The following PYROXD1 variants were observed in gnomAD, a reference collection of about 807,000 sequenced individuals.
The protein encoded by PYROXD1 is pyridine nucleotide-disulphide oxidoreductase domain 1.
In PYROXD1, 42 loss-of-function variants were observed where a neutral mutation model predicts 62.0. The observed-to-expected ratio is 0.68, with a 90% CI of 0.53 to 0.88. The LOEUF (loss-of-function observed/expected upper bound fraction) is 0.88, where lower values mean the gene tolerates loss of function less well. Among genes scored for constraint, PYROXD1 ranks in the 40% least tolerant of loss-of-function variants. The pLI, the probability that PYROXD1 is intolerant of heterozygous loss-of-function variation, is 0.00. For missense variants in PYROXD1, 493 were observed against 604.8 expected, an observed-to-expected ratio of 0.82 and a Z score of 1.94; for synonymous variants, 170 against 206.4, an observed-to-expected ratio of 0.82 and a Z score of 1.51.
Position 21,470,093 on chromosome 12 carries a change from AAT to A in PYROXD1, c.*1342_*1343del, listed in dbSNP as rs1942896945. 9.3e-7 allele frequency: 1 copy of A among 1,071,054 alleles called. No individual in the cohort carries two copies. Among genetic ancestry groups the A allele is most frequent in the African/African-American group, 1.6e-5 (1 of 62,098 alleles). 66.3% of individuals were successfully genotyped at this position (1,071,054 alleles called of 1,614,324 possible). ...TGAAAATATAGATCCATACATATAA[AAT>A]ATCTATGAAATTCTTTTAAAAACTA... On this transcript the variant is annotated 3_prime_UTR_variant, in exon 12 of 12. Coordinates refer to ENST00000240651, the MANE Select transcript of PYROXD1 (RefSeq NM_024854.5).
At chr12:21,452,558 ATT>A (rs962347087) in intron 5 of PYROXD1, among the ~76,000 whole-genome samples, 5 of 152,046 alleles carry the variant, frequency 3.3e-5, no homozygotes, top group African/African-American at 1.2e-4. Context: ...TGCTACACTC[ATT>A]TATGTTACCT....
intron 3 of PYROXD1, among the ~76,000 whole-genome samples, chr12:21,446,737 C>T (rs1427259987): frequency 6.6e-6 from 1 of 151,962 alleles, no homozygotes; most frequent in African/African-American, 2.4e-5. Context: ...CATAGCAAAA[C>T]CCCATATCTA....
At chr12:21,457,395 A>G (rs1249182754) in intron 7 of PYROXD1, among the ~76,000 whole-genome samples, 3 of 152,042 alleles carry the variant, frequency 2.0e-5, no homozygotes, top group African/African-American at 4.8e-5. Context: ...TTGGGTGACC[A>G]AATGCCTTGT....
At chr12:21,458,267 T>C (rs1942635022) in intron 7 of PYROXD1, among the ~76,000 whole-genome samples, 1 of 152,222 alleles carries the variant, frequency 6.6e-6, no homozygotes, top group African/African-American at 2.4e-5. Context: ...CAGCCTTTTC[T>C]TCTGCAGCTT....
intron 5 of PYROXD1, among the ~76,000 whole-genome samples, chr12:21,454,468 A>G (rs566459906): frequency 1.3e-5 from 2 of 152,120 alleles, no homozygotes; most frequent in South Asian, 4.1e-4. Flanking sequence ...TGTGAAAGGA[A>G]TATTGTTAGG....
rs1591966144 is a variant in PYROXD1 at position 21,470,897 on chromosome 12, G to C, written c.*2143G>C. On this transcript the variant is annotated 3_prime_UTR_variant, in exon 12 of 12. Coordinates refer to ENST00000240651, the MANE Select transcript of PYROXD1 (RefSeq NM_024854.5). ...TGTTCAACTGGACCTAGGGGAATAT[G>C]ACAGAAAAGCATCCCATAGGCTTTA... 1 of 1,139,188 alleles carries C rather than the reference G, an allele frequency of 8.8e-7. No individual in the cohort carries two copies. The highest frequency in any genetic ancestry group is 1.6e-5 in the African/African-American group (1 of 61,336). 70.6% of individuals were successfully genotyped at this position (1,139,188 alleles called of 1,614,324 possible). A position where few individuals can be genotyped will look rare whatever the true frequency, so the allele number is the denominator to read the frequency against.
chr12:21,460,624 T>C lies in PYROXD1; in HGVS notation c.751-401T>C, dbSNP rs111461846. On this transcript the variant is annotated intron_variant, in intron 7 of 11. Transcript: ENST00000240651. ...TTTTAGTAGAGACAGGGTTTCACCA[T>C]ATAGGCCAGGCTAGTCTTGAACTCC... Among the ~76,000 whole-genome samples, 7 of 152,192 alleles carry C rather than the reference T, an allele frequency of 4.6e-5. 1 individual carries two copies. In the East Asian group the frequency reaches 7.7e-4, roughly 17 times the overall value.
rs915969596 is a variant in PYROXD1, at chr12:21,466,002, T to C, written c.1117-1479T>C. On this transcript the variant is annotated intron_variant, in intron 10 of 11. Coordinates refer to ENST00000240651, the MANE Select transcript of PYROXD1 (RefSeq NM_024854.5). ...AGATATGAGGCATTATTTCTGAGGG[T>C]TCTGTTCTGCTCGATTGGTCTATAT... Among the ~76,000 whole-genome samples the C allele has an allele frequency of 5.9e-5, 9 of 152,080 alleles. 1 individual carries two copies. The South Asian group carries it at 1.2e-3, about 21-fold the overall frequency.
intron 10 of PYROXD1, among the ~76,000 whole-genome samples, chr12:21,463,868 T>G (rs1942743588): frequency 6.6e-6 from 1 of 152,106 alleles, no homozygotes; most frequent in Non-Finnish European, 1.5e-5. Flanking sequence ...GGTAGAGACC[T>G]AGGTAGATGT....
rs188967997 is a variant in PYROXD1, at chr12:21,446,316, C to T, written c.285+850C>T. Reference sequence around the variant, plus strand: ...CGTGCACCTGTTAGTCCCAGCTACTCGGGAGACTTGAGGCAGGAGAATGGC... The same window carrying T: ...CGTGCACCTGTTAGTCCCAGCTACTTGGGAGACTTGAGGCAGGAGAATGGC... On this transcript the variant is annotated intron_variant, in intron 3 of 11. Coordinates refer to ENST00000240651, the MANE Select transcript of PYROXD1 (RefSeq NM_024854.5). Among the ~76,000 whole-genome samples, 386 of 112,224 alleles carry T rather than the reference C, an allele frequency of 3.4e-3. 1 individual carries two copies. Among genetic ancestry groups the T allele is most frequent in the African/African-American group, 0.012 (353 of 29,806 alleles). 73.6% of individuals were successfully genotyped at this position (112,224 alleles called of 152,430 possible).
rs964309392 is a variant in PYROXD1, at chr12:21,468,753, A to G, written c.1502A>G (p.Ter501=). 4.4e-6 allele frequency: 7 copies of G among 1,601,560 alleles called. No homozygotes were observed. Among genetic ancestry groups the G allele is most frequent in the Non-Finnish European group, 5.1e-6 (6 of 1,172,066 alleles). ...PNIDIEDYFD[*] Reference sequence around the variant, plus strand: ...ATTGATATAGAAGATTATTTTGACTAAAAATGGAATTTCTTCAGGAATCAT... The same window carrying G: ...ATTGATATAGAAGATTATTTTGACTGAAAATGGAATTTCTTCAGGAATCAT... Residue 501 remains the stop codon, a stop_retained_variant, in exon 12 of 12, where the codon TAA becomes TGA. Transcript: ENST00000240651.
At position 21,468,674 on chromosome 12, in the gene PYROXD1, A is replaced by G. The variant is rs968829491; in HGVS notation, c.1423A>G (p.Ile475Val). Residue 475 changes from isoleucine (I) to valine (V), a missense_variant, in exon 12 of 12, where the codon ATC becomes GTC. Transcript: ENST00000240651. ...TTTAGAAGAAACATTTGAAAACCTAATCTTAAACCAAATGAATCTTTCATC... is the reference window on the plus strand; with the variant it reads ...TTTAGAAGAAACATTTGAAAACCTAGTCTTAAACCAAATGAATCTTTCATC... ...TDLEETFENLILNQMNLSSYG... is the reference protein window; with the variant it reads ...TDLEETFENLVLNQMNLSSYG... 2 of 1,612,186 alleles carry G rather than the reference A, an allele frequency of 1.2e-6. No individual in the cohort carries two copies. Among genetic ancestry groups the G allele is most frequent in the Admixed American group, 1.7e-5 (1 of 59,776 alleles).
intron 8 of PYROXD1, 42 bp from the exon 9 acceptor site, chr12:21,461,966 T>A: frequency 8.0e-7 from 1 of 1,251,156 alleles, no homozygotes; most frequent in Non-Finnish European, 1.2e-6. Context: ...GATGGTTCCA[T>A]TTACAAATAA....
chr12:21,464,326 G>A (rs866081238), intron 10 of PYROXD1, among the ~76,000 whole-genome samples: 11 of 151,730 alleles, frequency 7.2e-5, no homozygotes, highest in African/African-American at 2.2e-4. Context: ...CAAATTTTCC[G>A]GCCACTTGTA....
chr12:21,437,867 G>C (rs1942220556), intron 1 of PYROXD1, 53 bp downstream of exon 1: 3 of 1,489,228 alleles, frequency 2.0e-6, no homozygotes, highest in South Asian at 1.2e-5. Flanking sequence ...AAAGGGGATA[G>C]CACTGGAGGC....
At chr12:21,464,784 G>C (rs978597641) in intron 10 of PYROXD1, among the ~76,000 whole-genome samples, 3 of 151,034 alleles carry the variant, frequency 2.0e-5, no homozygotes, top group Non-Finnish European at 4.4e-5. Flanking sequence ...GTGCAAGTTT[G>C]TTACATATGT....
intron 1 of PYROXD1, among the ~76,000 whole-genome samples, chr12:21,439,971 T>C (rs73071767): frequency 2.4e-4 from 37 of 152,332 alleles, no homozygotes; most frequent in Admixed American, 7.8e-4. Context: ...TTTCATCCCA[T>C]TGAAGACAAA....
intron 3 of PYROXD1, among the ~76,000 whole-genome samples, chr12:21,447,206 G>A (rs187332590): frequency 1.3e-5 from 2 of 152,254 alleles, no homozygotes; most frequent in Admixed American, 6.5e-5. Flanking sequence ...ATAAATTAGA[G>A]ATGTGTTTTA....
chr12:21,451,590 A>G (rs1341171412), intron 4 of PYROXD1, among the ~76,000 whole-genome samples: 2 of 152,124 alleles, frequency 1.3e-5, no homozygotes, highest in Non-Finnish European at 2.9e-5. Context: ...TGAGATGCAG[A>G]TAGGGTAAGC....
Sources: gnomAD v4.1 joint callset for allele counts (sites outside exome capture counted in the v4.1 genomes callset) on GRCh38, gnomAD v4.1.1 for gene constraint, MANE v1.5 for transcripts, NCBI Gene and HGNC (gene_info 2026-07-23, HGNC 2026-07-21) for gene names.